The following FABP12 variants were observed in gnomAD, a reference collection of about 807,000 sequenced individuals.
FABP12 encodes the protein fatty acid binding protein 12.
FABP12 carries 19 observed loss-of-function variants against 13.7 expected under a neutral mutation model. The observed-to-expected ratio is 1.39, with a 90% CI of 0.97 to 2.04. FABP12 has a LOEUF of 2.04. Ranked by LOEUF, FABP12 falls within the 30% of genes most tolerant of loss-of-function variation. FABP12 has a pLI of 0.00. For synonymous variants in FABP12, 61 were observed against 57.0 expected (o/e 1.07, Z -0.32); for missense variants, 182 against 164.2 (o/e 1.11, Z -0.59).
At chr8:81,552,928 GAT>G (rs1486088360) in intron 1 of FABP12, among the ~76,000 whole-genome samples, 9 of 152,298 alleles carry the variant, frequency 5.9e-5, no homozygotes, top group African/African-American at 1.9e-4. Context: ...TCATGTTTTA[GAT>G]ATGTTTTGTT....
chr8:81,560,197 T>C (rs1169688764), intron 1 of FABP12, among the ~76,000 whole-genome samples: 1 of 152,134 alleles, frequency 6.6e-6, no homozygotes, highest in African/African-American at 2.4e-5. Flanking sequence ...CTGAAGGAAA[T>C]GAAGAAGTAA....
At chr8:81,541,610 T>C (rs1407453774) in intron 1 of FABP12, among the ~76,000 whole-genome samples, 1 of 152,158 alleles carries the variant, frequency 6.6e-6, no homozygotes, top group Non-Finnish European at 1.5e-5. Flanking sequence ...TTTAACTGAA[T>C]GGAGTTTTGC....
chr8:81,588,883 T>G (rs1432699821), intron 1 of FABP12, among the ~76,000 whole-genome samples: 1 of 152,084 alleles, frequency 6.6e-6, no homozygotes, highest in Non-Finnish European at 1.5e-5. Context: ...ATATCCCAGG[T>G]GGGGGCTGGC....
chr8:81,568,067 G>C (rs2130064029), intron 1 of FABP12, among the ~76,000 whole-genome samples: 1 of 151,614 alleles, frequency 6.6e-6, no homozygotes, highest in African/African-American at 2.4e-5. Flanking sequence ...AGCTTGCAGT[G>C]AGCCGAGATT....
At position 81,526,726 on chromosome 8, in the gene FABP12, AC is replaced by A. The variant is rs535569475; in HGVS notation, c.348+293del. 7.2e-4 allele frequency among the ~76,000 whole-genome samples: 110 copies of A among 152,178 alleles called. 1 individual carries two copies. The highest frequency in any genetic ancestry group is 2.6e-3 in the African/African-American group (106 of 41,504). ...GGAGTGGAGTAGAGGATTGGCAACAACCCTCAACCCCTGCTAAAATCTTCAT... is the reference window on the plus strand; with the variant it reads ...GGAGTGGAGTAGAGGATTGGCAACAACCTCAACCCCTGCTAAAATCTTCAT... On this transcript the variant is annotated intron_variant, in intron 4 of 4. Coordinates refer to ENST00000360464, the Ensembl canonical transcript of FABP12.
intron 1 of FABP12, among the ~76,000 whole-genome samples, chr8:81,559,839 A>G (rs1346905252): frequency 6.6e-6 from 1 of 152,218 alleles, no homozygotes; most frequent in Non-Finnish European, 1.5e-5. Context: ...ATCAACCTCT[A>G]GAGTCTAGCT....
chr8:81,583,733 G>A (rs750525657), intron 1 of FABP12, among the ~76,000 whole-genome samples: 3 of 152,036 alleles, frequency 2.0e-5, no homozygotes, highest in South Asian at 2.1e-4. Flanking sequence ...GCCAGGAATC[G>A]ATAGCTGCAC....
chr8:81,546,198 G>A (rs1217211872), intron 1 of FABP12, among the ~76,000 whole-genome samples: 2 of 152,172 alleles, frequency 1.3e-5, no homozygotes, highest in African/African-American at 4.8e-5. Context: ...CAGTCATAAC[G>A]TGATCTGTTT....
At chr8:81,571,116 C>A (rs1809924867) in intron 1 of FABP12, among the ~76,000 whole-genome samples, 1 of 152,194 alleles carries the variant, frequency 6.6e-6, no homozygotes, top group South Asian at 2.1e-4. Context: ...GCCAAAGTGG[C>A]AGAGCCCCAG....
At chr8:81,540,896 G>A (rs976343163) in intron 1 of FABP12, among the ~76,000 whole-genome samples, 2 of 152,214 alleles carry the variant, frequency 1.3e-5, no homozygotes, top group Admixed American at 6.5e-5. Flanking sequence ...GGCCAGGCAC[G>A]GTGGCTCACA....
upstream of FABP12, among the ~76,000 whole-genome samples, chr8:81,535,259 G>GC (rs1355235391): frequency 6.6e-6 from 1 of 152,138 alleles, no homozygotes; most frequent in Non-Finnish European, 1.5e-5. Context: ...CTTTTGAGTA[G>GC]CCCCAATTTC....
At chr8:81,589,694 T>G (rs1810292151) in intron 1 of FABP12, among the ~76,000 whole-genome samples, 1 of 152,206 alleles carries the variant, frequency 6.6e-6, no homozygotes, top group South Asian at 2.1e-4. Flanking sequence ...CCTCCAGCTC[T>G]TTGGGTTGCT....
At chr8:81,576,897 A>C (rs1190878629) in intron 1 of FABP12, among the ~76,000 whole-genome samples, 4 of 152,196 alleles carry the variant, frequency 2.6e-5, no homozygotes, top group Non-Finnish European at 5.9e-5. Context: ...ACTCACACTA[A>C]AATTAAATGA....
At chr8:81,546,404 A>G (rs1809434505) in intron 1 of FABP12, among the ~76,000 whole-genome samples, 1 of 152,098 alleles carries the variant, frequency 6.6e-6, no homozygotes, top group South Asian at 2.1e-4. Context: ...CTGTAATCCC[A>G]GCACTTTGGG....
At chr8:81,534,020 G>T (rs1467940076), upstream of FABP12, among the ~76,000 whole-genome samples, 1 of 152,078 alleles carries the variant, frequency 6.6e-6, no homozygotes, top group East Asian at 1.9e-4. Flanking sequence ...TTTAATAGGT[G>T]TATAAGTCTC....
intron 1 of FABP12, among the ~76,000 whole-genome samples, chr8:81,550,173 G>T (rs1249526876): frequency 1.3e-5 from 2 of 152,044 alleles, no homozygotes; most frequent in Non-Finnish European, 2.9e-5. Context: ...TATGTATTGG[G>T]TACCTACCTT....
intron 1 of FABP12, among the ~76,000 whole-genome samples, chr8:81,588,792 G>A (rs73281039): frequency 0.011 from 1,726 of 152,292 alleles, 34 homozygotes; most frequent in African/African-American, 0.038. Context: ...TTAAGGAGAC[G>A]TGATTTGGAG....
intron 1 of FABP12, among the ~76,000 whole-genome samples, chr8:81,554,175 C>T (rs977412631): frequency 1.3e-5 from 2 of 152,086 alleles, no homozygotes; most frequent in Non-Finnish European, 2.9e-5. Context: ...GTGCAAGGCA[C>T]CTAAATTTAT....
intron 1 of FABP12, among the ~76,000 whole-genome samples, chr8:81,586,388 C>T (rs1311268903): frequency 6.6e-6 from 1 of 151,962 alleles, no homozygotes; most frequent in African/African-American, 2.4e-5. Context: ...CAAATGGTAC[C>T]TCTATTTTAA....
Sources: allele counts gnomAD v4.1 joint callset (sites outside exome capture counted in the v4.1 genomes callset), GRCh38; gene constraint gnomAD v4.1.1; transcripts MANE v1.5; gene names NCBI Gene and HGNC (gene_info 2026-07-23, HGNC 2026-07-21).